CPNE8: variants seen among roughly 807,000 people sequenced by gnomAD.
CPNE8 encodes copine 8.
CPNE8 carries 45 observed loss-of-function variants against 81.5 expected under a neutral mutation model. That is an observed-to-expected ratio of 0.55 (90% CI 0.44 to 0.71). The LOEUF is 0.71. Among genes scored for constraint, CPNE8 ranks in the 30% least tolerant of loss-of-function variants. CPNE8 has a pLI of 0.00. For missense variants in CPNE8, 594 were observed against 672.1 expected, an observed-to-expected ratio of 0.88 and a Z score of 1.28; for synonymous variants, 252 against 226.3, an observed-to-expected ratio of 1.11 and a Z score of -1.02.
intron 13 of CPNE8, among the ~76,000 whole-genome samples, chr12:38,710,812 T>C (rs535932770): frequency 3.3e-5 from 5 of 152,104 alleles, no homozygotes; most frequent in Admixed American, 6.6e-5. Flanking sequence ...AATATAGTAA[T>C]ATATCTTATG....
chr12:38,696,117 A>G (rs1267224974), intron 14 of CPNE8, among the ~76,000 whole-genome samples: 1 of 152,190 alleles, frequency 6.6e-6, no homozygotes, highest in Non-Finnish European at 1.5e-5. Flanking sequence ...TTAACCTAAC[A>G]TGCATAGCTG....
intron 6 of CPNE8, among the ~76,000 whole-genome samples, chr12:38,777,386 A>C (rs931650367): frequency 3.3e-5 from 5 of 152,252 alleles, no homozygotes; most frequent in African/African-American, 1.2e-4. Flanking sequence ...TGTTATTATT[A>C]AAACATTTTA....
At chr12:38,667,728 G>T (rs1939088908) in intron 19 of CPNE8, among the ~76,000 whole-genome samples, 1 of 152,100 alleles carries the variant, frequency 6.6e-6, no homozygotes, top group African/African-American at 2.4e-5. Context: ...ATCCCCAGGT[G>T]TGTTCAAAAT....
intron 6 of CPNE8, among the ~76,000 whole-genome samples, chr12:38,808,348 A>AC (rs1266317283): frequency 6.6e-6 from 1 of 152,102 alleles, no homozygotes; most frequent in Non-Finnish European, 1.5e-5. Flanking sequence ...AAGACTTGGA[A>AC]CAACCCAAAT....
intron 7 of CPNE8, among the ~76,000 whole-genome samples, chr12:38,771,211 C>A (rs931286309): frequency 2.0e-5 from 3 of 151,596 alleles, no homozygotes; most frequent in African/African-American, 4.9e-5. Context: ...GTAACCCCAG[C>A]GCTTTGGGAG....
intron 1 of CPNE8, among the ~76,000 whole-genome samples, chr12:38,899,729 T>C (rs1592164272): frequency 6.6e-6 from 1 of 152,350 alleles, no homozygotes; most frequent in East Asian, 1.9e-4. Flanking sequence ...ATAGTACTTT[T>C]ATTATAAACT....
At chr12:38,760,449 ATATG>A (rs967372311) in intron 10 of CPNE8, among the ~76,000 whole-genome samples, 4 of 137,306 alleles carry the variant, frequency 2.9e-5, no homozygotes, top group African/African-American at 8.5e-5. Context: ...ATATATATAT[ATATG>A]TGTGTGTATA....
chr12:38,830,738 GATGA>G (rs1943273002), intron 5 of CPNE8, among the ~76,000 whole-genome samples: 1 of 152,164 alleles, frequency 6.6e-6, no homozygotes, highest in Non-Finnish European at 1.5e-5. Context: ...ACTGTTCTCA[GATGA>G]AAGAAAAAAG....
At chr12:38,871,832 G>A (rs759732167) in intron 3 of CPNE8, among the ~76,000 whole-genome samples, 1 of 152,130 alleles carries the variant, frequency 6.6e-6, no homozygotes, top group South Asian at 2.1e-4. Flanking sequence ...GTTTGAGGTA[G>A]ATATTGAACT....
chr12:38,837,617 TAA>T (rs1943405614), intron 5 of CPNE8, among the ~76,000 whole-genome samples: 1 of 151,970 alleles, frequency 6.6e-6, no homozygotes, highest in Non-Finnish European at 1.5e-5. Flanking sequence ...AGATAATGGG[TAA>T]ACAGGGAGGC....
chr12:38,833,267 C>A (rs564795956), intron 5 of CPNE8, among the ~76,000 whole-genome samples: 1 of 148,858 alleles, frequency 6.7e-6, no homozygotes, highest in Non-Finnish European at 1.5e-5. Context: ...GCAGGAGAAT[C>A]GCTTGATCCC....
At chr12:38,870,654 C>T (rs1469226383) in intron 3 of CPNE8, among the ~76,000 whole-genome samples, 1 of 151,820 alleles carries the variant, frequency 6.6e-6, no homozygotes. Flanking sequence ...GGGTGGGGGG[C>T]TAGGGGAGAA....
At chr12:38,797,263 C>A (rs1942510465) in intron 6 of CPNE8, among the ~76,000 whole-genome samples, 1 of 152,180 alleles carries the variant, frequency 6.6e-6, no homozygotes, top group Non-Finnish European at 1.5e-5. Flanking sequence ...GTCCCTGACC[C>A]CTGACCCCCG....
rs531456334 is a variant in CPNE8 at position 38,794,620 on chromosome 12, G to A, written c.408-18319C>T. On this transcript the variant is annotated intron_variant, in intron 6 of 19. Coordinates refer to ENST00000331366, the MANE Select transcript of CPNE8 (RefSeq NM_153634.3). ...ATTAAATATCACCTCATAGCCATGA[G>A]GATAACTACTATTTAAAAAAAAACT... 4.7e-5 allele frequency among the ~76,000 whole-genome samples: 7 copies of A among 150,456 alleles called. No individual in the cohort carries two copies. The Middle Eastern group carries it at 0.024, about 512-fold the overall frequency.
intron 13 of CPNE8, among the ~76,000 whole-genome samples, chr12:38,703,164 T>TA (rs1391414722): frequency 6.6e-6 from 1 of 152,190 alleles, no homozygotes; most frequent in African/African-American, 2.4e-5. Context: ...GTCTCGGGAA[T>TA]AAAAGTAGTT....
intron 19 of CPNE8, among the ~76,000 whole-genome samples, chr12:38,659,142 A>T (rs1417453928): frequency 6.6e-6 from 1 of 152,046 alleles, no homozygotes; most frequent in Non-Finnish European, 1.5e-5. Context: ...TCCTGTACTC[A>T]GGAGACCAAT....
intron 3 of CPNE8, among the ~76,000 whole-genome samples, chr12:38,870,302 G>T (rs916249081): frequency 2.6e-5 from 4 of 152,158 alleles, no homozygotes; most frequent in African/African-American, 9.7e-5. Flanking sequence ...ATACCCAAAG[G>T]ATTATAACTC....
intron 15 of CPNE8, among the ~76,000 whole-genome samples, chr12:38,687,374 CT>C (rs61259310): frequency 1.2e-3 from 70 of 58,676 alleles, no homozygotes; most frequent in East Asian, 8.9e-3. Context: ...CCAAGACTTT[CT>C]TTTTTTTTTT....
At chr12:38,654,655 A>G (rs1938779361) in intron 19 of CPNE8, among the ~76,000 whole-genome samples, 1 of 152,146 alleles carries the variant, frequency 6.6e-6, no homozygotes, top group Admixed American at 6.6e-5. Flanking sequence ...TAATCCTAAT[A>G]GGCTTATTAT....
Sources: gnomAD v4.1 joint callset for allele counts (sites outside exome capture counted in the v4.1 genomes callset) on GRCh38, gnomAD v4.1.1 for gene constraint, MANE v1.5 for transcripts, NCBI Gene and HGNC (gene_info 2026-07-23, HGNC 2026-07-21) for gene names.